SPMAP2: variants seen among roughly 807,000 people sequenced by gnomAD.
SPMAP2 encodes sperm microtubule associated protein 2, also known as Theg homolog.
At chr19:363,518 C>G in the SPMAP2 span, among the ~76,000 whole-genome samples, 5 of 149,444 alleles carry the variant, frequency 3.3e-5, no homozygotes. Context: ...TTCATTTTAT[C>G]ATTTTATTTT....
the SPMAP2 span, chr19:374,240 G>A: frequency 3.2e-3 from 5,172 of 1,597,364 alleles, 100 homozygotes; most frequent in African/African-American, 0.049. Flanking sequence ...AGCCCGGGAA[G>A]GGTGCAGAGA....
chr19:366,430 G>T, the SPMAP2 span, among the ~76,000 whole-genome samples: 1 of 152,144 alleles, frequency 6.6e-6, no homozygotes, highest in Non-Finnish European at 1.5e-5. Context: ...GCAGGACGGT[G>T]TAAGGCAGTG....
chr19:372,861 A>G, the SPMAP2 span, among the ~76,000 whole-genome samples: 34 of 152,298 alleles, frequency 2.2e-4, no homozygotes, highest in African/African-American at 7.5e-4. Flanking sequence ...CCCTGCAGAG[A>G]GAAGATTTGC....
chr19:364,048 T>C, the SPMAP2 span, among the ~76,000 whole-genome samples: 1 of 151,798 alleles, frequency 6.6e-6, no homozygotes, highest in African/African-American at 2.4e-5. Context: ...ATAAAAAATA[T>C]TTCGGTTGGG....
At chr19:364,064 T>G in the SPMAP2 span, among the ~76,000 whole-genome samples, 1 of 151,506 alleles carries the variant, frequency 6.6e-6, no homozygotes, top group South Asian at 2.1e-4. Context: ...TTGGGCGCGG[T>G]GGCTCATGCC....
the SPMAP2 span, chr19:373,624 G>A: frequency 6.9e-6 from 9 of 1,295,774 alleles, no homozygotes; most frequent in Non-Finnish European, 9.9e-6. Flanking sequence ...GGTGGCCGAG[G>A]TGGGGTGTGG....
the SPMAP2 span, among the ~76,000 whole-genome samples, chr19:364,508 C>T: frequency 6.6e-6 from 1 of 151,606 alleles, no homozygotes; most frequent in Non-Finnish European, 1.5e-5. Context: ...CAGCGAGACC[C>T]CATCTCTAAA....
At chr19:371,184 C>A in the SPMAP2 span, 1 of 1,379,070 alleles carries the variant, frequency 7.3e-7, no homozygotes, top group Non-Finnish European at 9.6e-7. Flanking sequence ...GGGTGAGTCG[C>A]GGGGGGCACG....
chr19:366,982 G>A, the SPMAP2 span: 1 of 1,444,874 alleles, frequency 6.9e-7, no homozygotes. Flanking sequence ...GCTTCCCTCT[G>A]CCCGCTCTAG....
At chr19:375,915 C>A in the SPMAP2 span, 1 of 1,493,106 alleles carries the variant, frequency 6.7e-7, no homozygotes, top group Non-Finnish European at 8.9e-7. Flanking sequence ...TTCCGACCTG[C>A]CCGCAGCCTC....
At chr19:373,483 G>T in the SPMAP2 span, 1 of 1,613,384 alleles carries the variant, frequency 6.2e-7, no homozygotes, top group Non-Finnish European at 8.5e-7. Context: ...GCACTGTGAT[G>T]GTGAGGGTGG....
the SPMAP2 span, chr19:373,875 G>C: frequency 2.0e-6 from 3 of 1,480,640 alleles, no homozygotes; most frequent in African/African-American, 4.2e-5. Flanking sequence ...GGAGTGAAGG[G>C]GTCCCCTGGA....
the SPMAP2 span, among the ~76,000 whole-genome samples, chr19:364,100 G>A: frequency 1.1e-4 from 17 of 151,410 alleles, no homozygotes; most frequent in Middle Eastern, 3.4e-3. Context: ...CTGGGAGGCC[G>A]AGGCGGGCGG....
chr19:370,346 T>TG, the SPMAP2 span, among the ~76,000 whole-genome samples: 1 of 125,146 alleles, frequency 8.0e-6, no homozygotes, highest in African/African-American at 2.6e-5. Context: ...TTCACAGTTT[T>TG]GTTTTTTTTT....
the SPMAP2 span, among the ~76,000 whole-genome samples, chr19:369,622 A>C: frequency 6.6e-6 from 1 of 152,110 alleles, no homozygotes. Context: ...CGTGTGAAGA[A>C]GCCTAAACAG....
At chr19:371,391 T>A in the SPMAP2 span, 1 of 639,382 alleles carries the variant, frequency 1.6e-6, no homozygotes. Context: ...TGTGTGTGTG[T>A]GTGTGTGTGT....
At chr19:373,551 C>T in the SPMAP2 span, 3 of 1,611,886 alleles carry the variant, frequency 1.9e-6, no homozygotes, top group South Asian at 2.2e-5. Flanking sequence ...GCGGACGGCT[C>T]AGGGCAAGGG....
chr19:367,705 C>G, the SPMAP2 span, among the ~76,000 whole-genome samples: 1 of 152,008 alleles, frequency 6.6e-6, no homozygotes. Context: ...CTGCCACATA[C>G]GGGGACTCCT....
At chr19:369,100 G>A in the SPMAP2 span, among the ~76,000 whole-genome samples, 1 of 152,182 alleles carries the variant, frequency 6.6e-6, no homozygotes, top group Admixed American at 6.5e-5. Flanking sequence ...TCCTACTGAA[G>A]TTTTATGGGA....
Sources: gnomAD v4.1 joint callset for allele counts (sites outside exome capture counted in the v4.1 genomes callset) on GRCh38, gnomAD v4.1.1 for gene constraint, MANE v1.5 for transcripts, NCBI Gene and HGNC (gene_info 2026-07-23, HGNC 2026-07-21) for gene names.